NOSTRIN: variants seen among roughly 807,000 people sequenced by gnomAD.
NOSTRIN encodes BM247 homolog.
Under a neutral mutation model 59.0 loss-of-function variants are expected in NOSTRIN, and 63 were observed. That is an observed-to-expected ratio of 1.07 (90% CI 0.87 to 1.32). The LOEUF is 1.32. Among genes scored for constraint, NOSTRIN ranks in the 40% most tolerant of loss-of-function variants. NOSTRIN has a pLI of 0.00. For synonymous variants in NOSTRIN, 200 were observed against 165.4 expected (o/e 1.21, Z -1.61); for missense variants, 512 against 473.1 (o/e 1.08, Z -0.76).
intron 2 of NOSTRIN, among the ~76,000 whole-genome samples, chr2:168,822,150 G>T (rs1686779771): frequency 1.3e-5 from 2 of 152,274 alleles, no homozygotes; most frequent in South Asian, 2.1e-4. Flanking sequence ...CTAGAGCAGA[G>T]AAATCTATTT....
In NOSTRIN at chr2:168,855,414, A is replaced by G. The variant is rs1464357030; in HGVS notation, c.918A>G (p.Leu306=). 2.5e-6 allele frequency: 4 copies of G among 1,611,782 alleles called. No homozygotes were observed. The highest frequency in any genetic ancestry group is 3.4e-6 in the Non-Finnish European group (4 of 1,178,256). ...GAAAGTCTTTACTAAAACCAAAATT[A>G]TTGAGACTGCAGAGAGACATTGAAA... ...ERRKSLLKPK[L]LRLQRDIEKA... The change falls in exon 11 of 16, where the codon TTA becomes TTG. Residue 306 remains leucine (L), a synonymous_variant. Transcript: ENST00000317647.
rs1312271158 is a variant in NOSTRIN at position 168,860,809 on chromosome 2, C to T, written c.1194C>T (p.Ser398=). 2 of 1,606,926 alleles carry T rather than the reference C, an allele frequency of 1.2e-6. No homozygotes were observed. Among genetic ancestry groups the T allele is most frequent in the Admixed American group, 3.3e-5 (2 of 60,006 alleles). The change falls in exon 14 of 16, where the codon AGC becomes AGT. Residue 398 remains serine (S), a synonymous_variant. Transcript: ENST00000317647. ...FRWREKEHTH[S]YVKISRPFLM... ...CATTTGAACAGGAGCATACTCATAG[C>T]TATGTGAAAATATCTCGGCCTTTTT...
chr2:168,820,352 T>C (rs1686660964), intron 2 of NOSTRIN, among the ~76,000 whole-genome samples: 1 of 152,064 alleles, frequency 6.6e-6, no homozygotes, highest in African/African-American at 2.4e-5. Context: ...TGAGGAAATA[T>C]ACCTATAACA....
intron 2 of NOSTRIN, among the ~76,000 whole-genome samples, chr2:168,823,268 G>A (rs1326022517): frequency 2.0e-5 from 3 of 151,878 alleles, no homozygotes; most frequent in East Asian, 1.9e-4. Flanking sequence ...CGCCCACCTC[G>A]GCCTCCCAAA....
chr2:168,788,959 A>C (rs1574243984), intron 2 of NOSTRIN, among the ~76,000 whole-genome samples: 1 of 152,076 alleles, frequency 6.6e-6, no homozygotes, highest in South Asian at 2.1e-4. Flanking sequence ...ATAACTGTCC[A>C]CCTCAGAGCC....
intron 8 of NOSTRIN, among the ~76,000 whole-genome samples, chr2:168,849,848 G>A (rs1370851369): frequency 6.6e-6 from 1 of 151,550 alleles, no homozygotes; most frequent in Non-Finnish European, 1.5e-5. Flanking sequence ...AGTTGCTAAA[G>A]CTTTCTGCCC....
At chr2:168,839,378 C>T (rs1291467698) in intron 7 of NOSTRIN, among the ~76,000 whole-genome samples, 4 of 152,004 alleles carry the variant, frequency 2.6e-5, no homozygotes, top group African/African-American at 4.8e-5. Context: ...CCAGTGGTAC[C>T]TACATAACTC....
chr2:168,861,851 A>C, intron 14 of NOSTRIN, 109 bp from the exon 15 acceptor site: 1 of 997,364 alleles, frequency 1.0e-6, no homozygotes, highest in Non-Finnish European at 1.5e-6. Flanking sequence ...TTTGAGAAAA[A>C]TTTAATATAT....
Position 168,812,646 on chromosome 2 carries a change from G to A in NOSTRIN, c.113+994G>A, listed in dbSNP as rs919367432. 4.6e-5 allele frequency among the ~76,000 whole-genome samples: 7 copies of A among 152,284 alleles called. No individual in the cohort carries two copies. In the South Asian group the frequency reaches 8.3e-4, roughly 18 times the overall value. ...AGCCAGAAATCCTAACAGGGACAAA[G>A]AAGATAGCATCTTTGGGCTTCCAAA... On this transcript the variant is annotated intron_variant, in intron 2 of 15. Transcript: ENST00000317647.
At chr2:168,833,043 A>G (rs1005316960) in intron 6 of NOSTRIN, among the ~76,000 whole-genome samples, 3 of 152,254 alleles carry the variant, frequency 2.0e-5, no homozygotes, top group Non-Finnish European at 4.4e-5. Context: ...CCAAGAAAAA[A>G]CATCTTTTAT....
intron 2 of NOSTRIN, among the ~76,000 whole-genome samples, chr2:168,788,240 CAA>C (rs5836201): frequency 1.7e-3 from 219 of 126,772 alleles, no homozygotes; most frequent in East Asian, 1.9e-3. Flanking sequence ...GATCCTACCT[CAA>C]AAAAAAAAAA....
intron 10 of NOSTRIN, among the ~76,000 whole-genome samples, chr2:168,853,543 C>A (rs1203220148): frequency 6.6e-6 from 1 of 152,202 alleles, no homozygotes; most frequent in African/African-American, 2.4e-5. Flanking sequence ...GACCCAGGAG[C>A]AATCTATCCC....
chr2:168,856,574 T>TAA (rs11385898), intron 11 of NOSTRIN, 116 bp from the exon 12 acceptor site: 8,126 of 713,806 alleles, frequency 0.011, no homozygotes, highest in South Asian at 0.017. Flanking sequence ...GACTCCGTCT[T>TAA]AAAAAAAAAA....
chr2:168,793,143 C>A (rs1685399686), intron 2 of NOSTRIN, among the ~76,000 whole-genome samples: 1 of 152,170 alleles, frequency 6.6e-6, no homozygotes, highest in African/African-American at 2.4e-5. Flanking sequence ...CAGTCCATCA[C>A]CCAGTCTTGC....
At chr2:168,811,122 A>G (rs1057003037) in intron 1 of NOSTRIN, among the ~76,000 whole-genome samples, 1 of 152,194 alleles carries the variant, frequency 6.6e-6, no homozygotes, top group Non-Finnish European at 1.5e-5. Flanking sequence ...TTCATATCTC[A>G]GACAAGAAAG....
At chr2:168,794,182 G>A (rs555234243), upstream of NOSTRIN, among the ~76,000 whole-genome samples, 76 of 152,208 alleles carry the variant, frequency 5.0e-4, no homozygotes, top group Admixed American at 1.4e-3. Flanking sequence ...AAGACATCCC[G>A]GAATGAATGA....
Position 168,834,336 on chromosome 2 carries a change from A to G in NOSTRIN, c.504+11A>G, listed in dbSNP as rs1460170943. On this transcript the variant is annotated intron_variant, in intron 7 of 15. Transcript: ENST00000317647. ...AAGGAGAAGCGGAAGGTAAGCTGTC[A>G]TGGCTGGCTGGGCGCATGTGCCATA... 3.4e-6 allele frequency: 3 copies of G among 872,176 alleles called. No individual in the cohort carries two copies. The highest frequency in any genetic ancestry group is 6.0e-6 in the Non-Finnish European group (3 of 501,222). 54.0% of individuals were successfully genotyped at this position (872,176 alleles called of 1,614,324 possible). A position where few individuals can be genotyped will look rare whatever the true frequency, so the allele number is the denominator to read the frequency against.
Position 168,828,438 on chromosome 2 carries a change from T to G in NOSTRIN, c.279T>G (p.Ile93Met), listed in dbSNP as rs1687174299. 1.1e-6 allele frequency: 1 copy of G among 871,070 alleles called. No homozygotes were observed. The allele number at this position is 871,070 out of a possible 1,614,324, so 54.0% of individuals were successfully genotyped here. A position where few individuals can be genotyped will look rare whatever the true frequency, so the allele number is the denominator to read the frequency against. Residue 93 changes from isoleucine to methionine, a missense_variant, in exon 5 of 16, where the codon ATT becomes ATG. Transcript: ENST00000317647. Reference protein sequence around the residue: ...ADLHQKLGKAIELEAIKPTYQ... With the variant: ...ADLHQKLGKAMELEAIKPTYQ... ...TTTCCAGAAAACTTGGCAAAGCAAT[T>G]GAATTGGAAGCAATAAAACCGACTT... is the stretch of plus-strand genomic sequence containing the variant.
upstream of NOSTRIN, among the ~76,000 whole-genome samples, chr2:168,800,833 G>T (rs1366930431): frequency 6.6e-6 from 1 of 151,110 alleles, no homozygotes; most frequent in Non-Finnish European, 1.5e-5. Flanking sequence ...ATCTCTGAGG[G>T]CAGAGAAGCC....
Sources: gnomAD v4.1 joint callset for allele counts (sites outside exome capture counted in the v4.1 genomes callset) on GRCh38, gnomAD v4.1.1 for gene constraint, MANE v1.5 for transcripts, NCBI Gene and HGNC (gene_info 2026-07-23, HGNC 2026-07-21) for gene names.